SAMD12: variants seen among roughly 807,000 people sequenced by gnomAD.
SAMD12 encodes sterile alpha motif domain containing 12.
In SAMD12, 9 loss-of-function variants were observed where a neutral mutation model predicts 15.0. The observed-to-expected ratio is 0.60, with a 90% confidence interval of 0.36 to 1.05. The LOEUF (loss-of-function observed/expected upper bound fraction) is 1.05. Ranked by LOEUF, SAMD12 falls within the 50% of genes least tolerant of loss-of-function variation. The pLI is 0.01. For synonymous variants in SAMD12, 86 were observed against 90.1 expected (o/e 0.96, Z 0.25); for missense variants, 230 against 234.2 (o/e 0.98, Z 0.12).
At chr8:118,251,855 C>T (rs1394782932) in intron 4 of SAMD12, among the ~76,000 whole-genome samples, 3 of 151,912 alleles carry the variant, frequency 2.0e-5, no homozygotes, top group Non-Finnish European at 4.4e-5. Context: ...GAGCTTCTCC[C>T]GTGTGCTCAG....
intron 1 of SAMD12, among the ~76,000 whole-genome samples, chr8:118,603,129 TA>T (rs1335013246): frequency 6.6e-6 from 1 of 151,874 alleles, no homozygotes; most frequent in African/African-American, 2.4e-5. Flanking sequence ...ACATACACTT[TA>T]AAAAATAAGA....
At chr8:118,429,250 T>C (rs1822327291) in intron 3 of SAMD12, among the ~76,000 whole-genome samples, 1 of 152,222 alleles carries the variant, frequency 6.6e-6, no homozygotes, top group Non-Finnish European at 1.5e-5. Flanking sequence ...GCATCCCTAA[T>C]CTGAAAATTC....
At chr8:118,145,197 T>G in the SAMD12 span, among the ~76,000 whole-genome samples, 2 of 152,178 alleles carry the variant, frequency 1.3e-5, no homozygotes, top group African/African-American at 4.8e-5. Flanking sequence ...TACAAATATC[T>G]ATTATGACTC....
At chr8:118,534,820 C>T (rs897527804) in intron 2 of SAMD12, among the ~76,000 whole-genome samples, 14 of 152,022 alleles carry the variant, frequency 9.2e-5, no homozygotes, top group South Asian at 8.3e-4. Context: ...TTCTCTATGC[C>T]GTTTTTCTAG....
chr8:118,621,837 G>C lies in SAMD12; in HGVS notation c.-21C>G, dbSNP rs1828418196. 1.9e-6 allele frequency: 3 copies of C among 1,613,762 alleles called. No individual in the cohort carries two copies. Among genetic ancestry groups the C allele is most frequent in the East Asian group, 2.2e-5 (1 of 44,858 alleles). On this transcript the variant is annotated 5_prime_UTR_variant, in exon 1 of 4. Coordinates refer to ENST00000314727, the MANE Select transcript of SAMD12 (RefSeq NM_207506.3). The stretch of plus-strand genomic sequence containing the variant: ...GCCATTCTCTCAGAGCTTCCCTAAC[G>C]CATGCATAATTTTCTTGGCCGAGGT...
intron 4 of SAMD12, among the ~76,000 whole-genome samples, chr8:118,351,315 C>T (rs935081669): frequency 6.6e-6 from 1 of 152,160 alleles, no homozygotes; most frequent in African/African-American, 2.4e-5. Context: ...ACTCTGCCTA[C>T]AGTTGTTGCT....
intron 2 of SAMD12, among the ~76,000 whole-genome samples, chr8:118,547,670 G>A (rs1826171376): frequency 6.6e-6 from 1 of 152,122 alleles, no homozygotes; most frequent in Non-Finnish European, 1.5e-5. Context: ...AGAGCATACT[G>A]AATCACACTC....
chr8:118,173,156 A>G, the SAMD12 span, among the ~76,000 whole-genome samples: 2 of 151,944 alleles, frequency 1.3e-5, no homozygotes, highest in Non-Finnish European at 2.9e-5. Context: ...TTAGAATGCA[A>G]CCTCCTGAGT....
intron 1 of SAMD12, among the ~76,000 whole-genome samples, chr8:118,605,389 A>T (rs1337786561): frequency 1.2e-4 from 18 of 152,350 alleles, no homozygotes; most frequent in Admixed American, 1.2e-3. Context: ...ATTTGCTAGA[A>T]TAGCTTATGT....
At chr8:118,266,779 A>T (rs1719589701) in intron 4 of SAMD12, among the ~76,000 whole-genome samples, 2 of 152,162 alleles carry the variant, frequency 1.3e-5, no homozygotes, top group Non-Finnish European at 2.9e-5. Flanking sequence ...TGGAATTAAA[A>T]AAATGGAAAT....
At chr8:118,513,732 T>C (rs1257003590) in intron 2 of SAMD12, among the ~76,000 whole-genome samples, 1 of 152,188 alleles carries the variant, frequency 6.6e-6, no homozygotes, top group Non-Finnish European at 1.5e-5. Flanking sequence ...GTTCACAAAC[T>C]CTATTGTCTA....
intron 4 of SAMD12, among the ~76,000 whole-genome samples, chr8:118,270,960 G>C (rs147580575): frequency 5.0e-4 from 76 of 152,316 alleles, no homozygotes; most frequent in African/African-American, 1.7e-3. Flanking sequence ...TATTGGGTAA[G>C]TGAGGGTCAC....
At chr8:118,404,626 G>C (rs1482841730) in intron 3 of SAMD12, among the ~76,000 whole-genome samples, 1 of 152,124 alleles carries the variant, frequency 6.6e-6, no homozygotes, top group Non-Finnish European at 1.5e-5. Flanking sequence ...AATGCCATAA[G>C]AGTTACCAAA....
chr8:118,331,253 C>T (rs1816794083), intron 4 of SAMD12, among the ~76,000 whole-genome samples: 1 of 152,098 alleles, frequency 6.6e-6, no homozygotes, highest in Admixed American at 6.5e-5. Flanking sequence ...ACAGCAGATG[C>T]ACCAGGGGAA....
chr8:118,316,236 A>G (rs1024951773), intron 4 of SAMD12, among the ~76,000 whole-genome samples: 3 of 151,986 alleles, frequency 2.0e-5, no homozygotes, highest in African/African-American at 7.3e-5. Flanking sequence ...TCAAGAGCAT[A>G]TAAAAGTTGG....
chr8:118,587,229 C>CT (rs1827474701), intron 1 of SAMD12, among the ~76,000 whole-genome samples: 1 of 152,148 alleles, frequency 6.6e-6, no homozygotes, highest in African/African-American at 2.4e-5. Flanking sequence ...GGAGATGGTC[C>CT]TTCTTTAACA....
intron 2 of SAMD12, among the ~76,000 whole-genome samples, chr8:118,519,100 C>T (rs1358668240): frequency 6.6e-6 from 1 of 152,184 alleles, no homozygotes; most frequent in Non-Finnish European, 1.5e-5. Flanking sequence ...TTTATACTGA[C>T]AAGCAAGCCT....
chr8:118,326,340 A>G (rs531527865), intron 4 of SAMD12, among the ~76,000 whole-genome samples: 1 of 152,156 alleles, frequency 6.6e-6, no homozygotes, highest in African/African-American at 2.4e-5. Context: ...GTCACCTCCT[A>G]AAAGAAGCCA....
chr8:118,442,255 G>A (rs539206615), intron 2 of SAMD12, among the ~76,000 whole-genome samples: 20 of 152,280 alleles, frequency 1.3e-4, no homozygotes, highest in Non-Finnish European at 2.5e-4. Context: ...AGTAGATCCC[G>A]TGTACATCCA....
Sources: allele counts gnomAD v4.1 joint callset (sites outside exome capture counted in the v4.1 genomes callset), GRCh38; gene constraint gnomAD v4.1.1; transcripts MANE v1.5; gene names NCBI Gene and HGNC (gene_info 2026-07-23, HGNC 2026-07-21).